The following FAM227B variants were observed in gnomAD, a reference collection of about 807,000 sequenced individuals.
FAM227B encodes protein FAM227B.
FAM227B carries 88 observed loss-of-function variants against 73.8 expected under a neutral mutation model. The observed-to-expected ratio is 1.19, with a 90% CI of 1.00 to 1.42. FAM227B has a LOEUF of 1.42. Ranked by LOEUF, FAM227B falls within the 40% of genes most tolerant of loss-of-function variation. The probability of loss-of-function intolerance (pLI) is 0.00; values close to 1 mark genes in which losing one functional copy is unlikely to be tolerated. For synonymous variants in FAM227B, 210 were observed against 190.5 expected (o/e 1.10, Z -0.84); for missense variants, 632 against 590.9 (o/e 1.07, Z -0.72).
At chr15:49,336,375 A>G (rs1165979541) in intron 13 of FAM227B, among the ~76,000 whole-genome samples, 1 of 152,296 alleles carries the variant, frequency 6.6e-6, no homozygotes, top group African/African-American at 2.4e-5. Context: ...TGAAGTGGCA[A>G]TTGGCCAGTA....
chr15:49,574,156 T>C (rs1376238129), intron 8 of FAM227B, among the ~76,000 whole-genome samples: 3 of 152,152 alleles, frequency 2.0e-5, no homozygotes, highest in Non-Finnish European at 2.9e-5. Flanking sequence ...CAGGTATTTG[T>C]CTTTTTTGTA....
intron 11 of FAM227B, among the ~76,000 whole-genome samples, chr15:49,405,247 G>A (rs2048437579): frequency 6.6e-6 from 1 of 152,084 alleles, no homozygotes; most frequent in Non-Finnish European, 1.5e-5. Flanking sequence ...ATCTTCTTGT[G>A]TGAAATATCT....
chr15:49,543,669 T>C (rs995331685), intron 9 of FAM227B, among the ~76,000 whole-genome samples: 3 of 152,208 alleles, frequency 2.0e-5, no homozygotes, highest in South Asian at 2.1e-4. Flanking sequence ...CCATCTTCAG[T>C]TGACTTTTGT....
intron 11 of FAM227B, among the ~76,000 whole-genome samples, chr15:49,507,239 C>T (rs2058650606): frequency 1.3e-5 from 2 of 151,942 alleles, no homozygotes; most frequent in South Asian, 2.1e-4. Flanking sequence ...AATAGTGATG[C>T]TCTAAATTCA....
At position 49,335,420 on chromosome 15, in the gene FAM227B, TC is replaced by T. The variant is rs1458261011; in HGVS notation, c.1347del (p.Ile450TyrfsTer13). The T allele has an allele frequency of 1.3e-6, 2 of 1,597,758 alleles. No homozygotes were observed. Among genetic ancestry groups the T allele is most frequent in the Admixed American group, 3.3e-5 (2 of 59,992 alleles). ...RQFARNQKDF[R>X]ILQAKATKKP... ...AACAATAGTATAGCATCAACTTACA[TC>T]CTAAAATCCTTTTGGTTCCTTGCAA... On this transcript the variant is annotated frameshift_variant and splice_region_variant, in exon 14 of 16. Coordinates refer to ENST00000299338, the MANE Select transcript of FAM227B (RefSeq NM_152647.3). LOFTEE classifies it high-confidence loss of function.
At chr15:49,420,569 G>C (rs752395070) in intron 11 of FAM227B, among the ~76,000 whole-genome samples, 6 of 151,970 alleles carry the variant, frequency 3.9e-5, no homozygotes, top group African/African-American at 1.5e-4. Flanking sequence ...CTAATAAAAA[G>C]AATTATCTAT....
intron 11 of FAM227B, among the ~76,000 whole-genome samples, chr15:49,410,968 GTGTGTGTGTGTGTA>G (rs927663531): frequency 7.6e-5 from 11 of 144,734 alleles, no homozygotes; most frequent in South Asian, 7.0e-4. Flanking sequence ...GAGAGTGTGT[GTGTGTGTGTGTGTA>G]TGTGTGTGTG....
chr15:49,591,799 A>C (rs1307348271), intron 3 of FAM227B, among the ~76,000 whole-genome samples: 1 of 152,102 alleles, frequency 6.6e-6, no homozygotes, highest in African/African-American at 2.4e-5. Context: ...TTAAGGCTGA[A>C]TAATATTCTA....
intron 5 of FAM227B, among the ~76,000 whole-genome samples, chr15:49,585,237 T>C (rs1210096052): frequency 6.6e-6 from 1 of 152,180 alleles, no homozygotes; most frequent in East Asian, 1.9e-4. Context: ...TTTTACACTG[T>C]TGGTGGGGAC....
At chr15:49,448,675 A>G (rs1284217917) in intron 11 of FAM227B, among the ~76,000 whole-genome samples, 1 of 142,582 alleles carries the variant, frequency 7.0e-6, no homozygotes, top group Non-Finnish European at 1.5e-5. Context: ...ACATATGTAC[A>G]TATATATATA....
intron 11 of FAM227B, among the ~76,000 whole-genome samples, chr15:49,410,882 A>C (rs1402423297): frequency 1.3e-5 from 2 of 151,974 alleles, no homozygotes; most frequent in Non-Finnish European, 2.9e-5. Context: ...ATGATAAACA[A>C]GTAGAAAATT....
At chr15:49,415,841 G>C (rs1302954294) in intron 11 of FAM227B, among the ~76,000 whole-genome samples, 2 of 152,128 alleles carry the variant, frequency 1.3e-5, no homozygotes, top group African/African-American at 4.8e-5. Flanking sequence ...GTAAGCACAA[G>C]TTTACATAAT....
intron 13 of FAM227B, among the ~76,000 whole-genome samples, chr15:49,341,158 T>A (rs2040669608): frequency 6.6e-6 from 1 of 152,230 alleles, no homozygotes; most frequent in Admixed American, 6.5e-5. Context: ...GCTGTTTGGG[T>A]TACTGTAGCC....
chr15:49,363,186 A>G (rs757127569), intron 13 of FAM227B, among the ~76,000 whole-genome samples: 22 of 152,170 alleles, frequency 1.4e-4, no homozygotes, highest in Non-Finnish European at 4.4e-5. Context: ...TGATAGGAAT[A>G]GCATTGAATC....
At chr15:49,375,300 TTA>T (rs1232333180) in intron 11 of FAM227B, among the ~76,000 whole-genome samples, 15 of 152,200 alleles carry the variant, frequency 9.9e-5, no homozygotes, top group African/African-American at 3.1e-4. Flanking sequence ...TGAAAATTTT[TTA>T]TGTTATAATA....
At chr15:49,363,805 T>TGAGG (rs1185027641) in intron 13 of FAM227B, among the ~76,000 whole-genome samples, 5 of 152,142 alleles carry the variant, frequency 3.3e-5, no homozygotes, top group African/African-American at 4.8e-5. Context: ...TCTAGTTTGT[T>TGAGG]GAGGGTTTTT....
chr15:49,532,203 T>C (rs1460645117), intron 10 of FAM227B, among the ~76,000 whole-genome samples: 3 of 151,626 alleles, frequency 2.0e-5, no homozygotes, highest in African/African-American at 7.3e-5. Flanking sequence ...AATTATCAAA[T>C]GTCAGTTGCC....
intron 3 of FAM227B, among the ~76,000 whole-genome samples, chr15:49,602,913 C>T (rs1221890713): frequency 1.3e-5 from 2 of 152,162 alleles, no homozygotes; most frequent in African/African-American, 2.4e-5. Context: ...GTCCTTTATT[C>T]AATGTATGTA....
At chr15:49,367,677 T>C in intron 12 of FAM227B, 69 bp from the exon 13 acceptor site, 2 of 1,349,252 alleles carry the variant, frequency 1.5e-6, no homozygotes, top group East Asian at 2.6e-5. Context: ...GAATAAAATA[T>C]AACTTCATAT....
Sources: gnomAD v4.1 joint callset for allele counts (sites outside exome capture counted in the v4.1 genomes callset) on GRCh38, gnomAD v4.1.1 for gene constraint, MANE v1.5 for transcripts, NCBI Gene and HGNC (gene_info 2026-07-23, HGNC 2026-07-21) for gene names.